PDZRN3: variants seen among roughly 807,000 people sequenced by gnomAD.
PDZRN3 encodes E3 ubiquitin-protein ligase PDZRN3.
A neutral mutation model predicts 85.7 loss-of-function variants in PDZRN3; 38 were observed. That is an observed-to-expected ratio of 0.44 (90% CI 0.34 to 0.58). The LOEUF (loss-of-function observed/expected upper bound fraction) is 0.58. Among genes scored for constraint, PDZRN3 ranks in the 20% least tolerant of loss-of-function variants. The probability of loss-of-function intolerance (pLI) is 0.01; values close to 1 mark genes in which losing one functional copy is unlikely to be tolerated. For synonymous variants in PDZRN3, 759 were observed against 638.0 expected, an observed-to-expected ratio of 1.19 and a Z score of -2.86; for missense variants, 1,629 against 1,506.4, an observed-to-expected ratio of 1.08 and a Z score of -1.35.
intron 3 of PDZRN3, among the ~76,000 whole-genome samples, chr3:73,449,973 C>T (rs1056084264): frequency 1.3e-5 from 2 of 151,800 alleles, no homozygotes; most frequent in African/African-American, 4.8e-5. Flanking sequence ...GGGCAGCACA[C>T]GCCATAGGTA....
At chr3:73,392,462 C>G (rs1701548142) in intron 5 of PDZRN3, among the ~76,000 whole-genome samples, 1 of 152,208 alleles carries the variant, frequency 6.6e-6, no homozygotes, top group South Asian at 2.1e-4. Context: ...TCCCAACTCT[C>G]CCTCTTTCTA....
chr3:73,561,966 G>C (rs568063491), intron 3 of PDZRN3, among the ~76,000 whole-genome samples: 51 of 145,278 alleles, frequency 3.5e-4, no homozygotes, highest in Non-Finnish European at 6.1e-4. Flanking sequence ...AGGAATTCAT[G>C]TGAGCTTCCT....
chr3:73,414,663 G>A (rs1444537420), intron 3 of PDZRN3, among the ~76,000 whole-genome samples: 8 of 152,214 alleles, frequency 5.3e-5, no homozygotes, highest in African/African-American at 1.9e-4. Flanking sequence ...AAAGAGCCTG[G>A]TGCCAGTATG....
chr3:73,525,778 AC>A (rs921907159), intron 3 of PDZRN3, among the ~76,000 whole-genome samples: 8 of 151,652 alleles, frequency 5.3e-5, no homozygotes, highest in Non-Finnish European at 1.2e-4. Context: ...TCTGGGTCTC[AC>A]CCCCTCAGCG....
intron 3 of PDZRN3, among the ~76,000 whole-genome samples, chr3:73,584,018 C>T (rs979024742): frequency 6.6e-6 from 1 of 151,944 alleles, no homozygotes; most frequent in Admixed American, 6.6e-5. Flanking sequence ...TGGTCTGTAA[C>T]ATGAAGCCAC....
Position 73,593,709 on chromosome 3 carries a change from T to TACACACACACACAC in PDZRN3, c.918+8631_918+8644dup, listed in dbSNP as rs57922621. On this transcript the variant is annotated intron_variant, in intron 3 of 9. Transcript: ENST00000263666. The stretch of plus-strand genomic sequence containing the variant: ...TTCTTACTGTTTACCGAAATAAATA[T>TACACACACACACAC]ACACACACACACACACACACACACA... 6.3e-5 allele frequency among the ~76,000 whole-genome samples: 9 copies of TACACACACACACAC among 141,836 alleles called. 1 individual carries two copies. 93.0% of individuals were successfully genotyped at this position (141,836 alleles called of 152,430 possible).
intron 5 of PDZRN3, among the ~76,000 whole-genome samples, chr3:73,396,983 G>A (rs1185373005): frequency 6.6e-6 from 1 of 151,502 alleles, no homozygotes; most frequent in African/African-American, 2.4e-5. Context: ...ATCATTTTGT[G>A]TACTTTAAAA....
intron 3 of PDZRN3, among the ~76,000 whole-genome samples, chr3:73,498,238 A>G (rs996534014): frequency 3.9e-5 from 6 of 152,126 alleles, no homozygotes; most frequent in Admixed American, 1.3e-4. Context: ...TTGAGTTTCT[A>G]TCTATCAAGT....
intron 3 of PDZRN3, among the ~76,000 whole-genome samples, chr3:73,588,476 T>C (rs1002665028): frequency 6.6e-6 from 1 of 152,146 alleles, no homozygotes; most frequent in African/African-American, 2.4e-5. Flanking sequence ...CAGGTGAACA[T>C]GCTCCTGAAC....
At position 73,383,348 on chromosome 3, in the gene PDZRN3, T is replaced by C; in HGVS notation, c.*17A>G. 1 of 1,583,278 alleles carries C rather than the reference T, an allele frequency of 6.3e-7. No homozygotes were observed. The highest frequency in any genetic ancestry group is 2.2e-5 in the East Asian group (1 of 44,712). ...GTGGTAGTGGTCTCCTTTATGTACA[T>C]AATGCAGAAGTGAAAATTATACAGT... On this transcript the variant is annotated 3_prime_UTR_variant, in exon 10 of 10. Coordinates refer to ENST00000263666, the MANE Select transcript of PDZRN3 (RefSeq NM_015009.3).
chr3:73,552,606 T>G (rs1023700912), intron 3 of PDZRN3, among the ~76,000 whole-genome samples: 3 of 152,220 alleles, frequency 2.0e-5, no homozygotes, highest in African/African-American at 7.2e-5. Context: ...TCAACTAGAT[T>G]CTGCAGAACT....
rs776853038 is a variant in PDZRN3 at position 73,578,470 on chromosome 3, G to A, written c.918+23884C>T. ...CAGGTGTGAGCCACCGCGCCCAGCCGACCATTCTTTCAAGGTACCTTTAGT... is the reference window on the plus strand; with the variant it reads ...CAGGTGTGAGCCACCGCGCCCAGCCAACCATTCTTTCAAGGTACCTTTAGT... On this transcript the variant is annotated intron_variant, in intron 3 of 9. Transcript: ENST00000263666. Among the ~76,000 whole-genome samples, 4 of 152,036 alleles carry A rather than the reference G, an allele frequency of 2.6e-5. No individual in the cohort carries two copies. The East Asian group carries it at 5.8e-4, about 22-fold the overall frequency.
intron 3 of PDZRN3, among the ~76,000 whole-genome samples, chr3:73,585,224 AG>A (rs1702261175): frequency 6.6e-6 from 1 of 152,234 alleles, no homozygotes; most frequent in South Asian, 2.1e-4. Context: ...AAATGATATT[AG>A]AAAAACAGAT....
rs1282425091 is a variant in PDZRN3, at chr3:73,595,472, G to A, written c.918+6882C>T. On this transcript the variant is annotated intron_variant, in intron 3 of 9. Coordinates refer to ENST00000263666, the MANE Select transcript of PDZRN3 (RefSeq NM_015009.3). ...AAAAATGGATTATGCATATCTGTGT[G>A]TGTTTAGCAAAATAAGTTTCCTGTG... 3.3e-5 allele frequency among the ~76,000 whole-genome samples: 5 copies of A among 152,114 alleles called. No homozygotes were observed. In the East Asian group the frequency reaches 5.8e-4, roughly 18 times the overall value.
At chr3:73,517,994 CT>C (rs1470626577) in intron 3 of PDZRN3, among the ~76,000 whole-genome samples, 1 of 152,198 alleles carries the variant, frequency 6.6e-6, no homozygotes, top group Non-Finnish European at 1.5e-5. Context: ...GATTCAGCAA[CT>C]CCACTTGTGG....
chr3:73,528,929 C>CA (rs200383934), intron 3 of PDZRN3, among the ~76,000 whole-genome samples: 1,756 of 151,344 alleles, frequency 0.012, 15 homozygotes, highest in Non-Finnish European at 0.02. Flanking sequence ...CACATGCACA[C>CA]ACAGAGCAAA....
intron 3 of PDZRN3, among the ~76,000 whole-genome samples, chr3:73,431,350 T>C (rs1440899575): frequency 1.3e-5 from 2 of 152,230 alleles, no homozygotes; most frequent in Non-Finnish European, 2.9e-5. Flanking sequence ...AGCTTGCCAA[T>C]GGCCCTAATG....
intron 3 of PDZRN3, among the ~76,000 whole-genome samples, chr3:73,583,153 C>T (rs1156406121): frequency 6.6e-6 from 1 of 152,180 alleles, no homozygotes. Context: ...TAAATCAGCA[C>T]ACCTACCTTA....
intron 3 of PDZRN3, among the ~76,000 whole-genome samples, chr3:73,441,611 T>G (rs1461363844): frequency 6.6e-6 from 1 of 152,044 alleles, no homozygotes; most frequent in Non-Finnish European, 1.5e-5. Context: ...AGGAAGGAAC[T>G]GGGGCTCAGG....
Sources: allele counts gnomAD v4.1 joint callset (sites outside exome capture counted in the v4.1 genomes callset), GRCh38; gene constraint gnomAD v4.1.1; transcripts MANE v1.5; gene names NCBI Gene and HGNC (gene_info 2026-07-23, HGNC 2026-07-21).